The following KCNIP1 variants were observed in gnomAD, a reference collection of about 807,000 sequenced individuals.
KCNIP1 encodes potassium voltage-gated channel interacting protein 1.
KCNIP1 carries 18 observed loss-of-function variants against 33.0 expected under a neutral mutation model. The observed-to-expected ratio is 0.55, with a 90% CI of 0.38 to 0.81. The LOEUF is 0.81. Among genes scored for constraint, KCNIP1 ranks in the 30% least tolerant of loss-of-function variants. The pLI is 0.00. For synonymous variants in KCNIP1, 93 were observed against 98.3 expected, an observed-to-expected ratio of 0.95 and a Z score of 0.32; for missense variants, 238 against 271.6, an observed-to-expected ratio of 0.88 and a Z score of 0.87.
chr5:170,639,754 C>T (rs1264754923), intron 1 of KCNIP1, among the ~76,000 whole-genome samples: 1 of 152,190 alleles, frequency 6.6e-6, no homozygotes, highest in East Asian at 1.9e-4. Flanking sequence ...ATTGCTCTCC[C>T]AGGTGTAGCA....
chr5:170,521,016 G>C (rs545814057), intron 1 of KCNIP1, among the ~76,000 whole-genome samples: 1 of 152,300 alleles, frequency 6.6e-6, no homozygotes, highest in Admixed American at 6.5e-5. Flanking sequence ...TGAAATGCCT[G>C]CTCCATAATA....
chr5:170,636,596 T>C (rs375315141), intron 1 of KCNIP1, among the ~76,000 whole-genome samples: 1 of 152,312 alleles, frequency 6.6e-6, no homozygotes, highest in East Asian at 1.9e-4. Context: ...CCGAGCCCTC[T>C]GAGCAGGTAT....
intron 1 of KCNIP1, among the ~76,000 whole-genome samples, chr5:170,395,769 C>T (rs1754746135): frequency 6.6e-6 from 1 of 152,204 alleles, no homozygotes; most frequent in Non-Finnish European, 1.5e-5. Flanking sequence ...GTTGTTAGGG[C>T]TTGTGGGACT....
chr5:170,438,225 T>C lies in KCNIP1; in HGVS notation c.88+84261T>C, dbSNP rs887013852. Among the ~76,000 whole-genome samples, 5 of 152,300 alleles carry C rather than the reference T, an allele frequency of 3.3e-5. No individual in the cohort carries two copies. In the East Asian group the frequency reaches 9.6e-4, roughly 29 times the overall value. On this transcript the variant is annotated intron_variant, in intron 1 of 7. Transcript: ENST00000377360. The stretch of plus-strand genomic sequence containing the variant: ...CACAGGCTGTGCCACCCCTTCTCCC[T>C]CAGCCTGGACCCCAGACCAGTACTG...
chr5:170,510,764 A>G (rs534088993), intron 1 of KCNIP1, among the ~76,000 whole-genome samples: 17 of 152,108 alleles, frequency 1.1e-4, no homozygotes, highest in Admixed American at 5.9e-4. Context: ...CGGTGGGGGG[A>G]AGTAGGAACC....
At chr5:170,417,432 C>T (rs183796963) in intron 1 of KCNIP1, among the ~76,000 whole-genome samples, 1 of 152,298 alleles carries the variant, frequency 6.6e-6, no homozygotes, top group Non-Finnish European at 1.5e-5. Flanking sequence ...CCTCTTCCTC[C>T]CTGAGAGTAG....
At chr5:170,377,554 A>C (rs983629916) in intron 1 of KCNIP1, 1 of 150,852 alleles carries the variant, frequency 6.6e-6, no homozygotes, top group Non-Finnish European at 1.5e-5. Flanking sequence ...TTTCCTCCAG[A>C]GGGTTGTTTT....
At chr5:170,701,663 A>G in intron 1 of KCNIP1, among the ~76,000 whole-genome samples, 1 of 152,228 alleles carries the variant, frequency 6.6e-6, no homozygotes, top group Admixed American at 6.5e-5. Flanking sequence ...AAAGGCACTC[A>G]TTAAGAAGCT....
intron 1 of KCNIP1, among the ~76,000 whole-genome samples, chr5:170,648,589 C>T (rs532343138): frequency 1.2e-4 from 19 of 152,216 alleles, no homozygotes; most frequent in Admixed American, 6.5e-4. Flanking sequence ...AAAAAGATGG[C>T]TGGTTTCCAG....
rs990871463 is a variant in KCNIP1, at chr5:170,632,227, G to A, written c.62-86531G>A. Among the ~76,000 whole-genome samples, 3 of 152,260 alleles carry A rather than the reference G, an allele frequency of 2.0e-5. No individual in the cohort carries two copies. In the East Asian group the frequency reaches 5.8e-4, roughly 29 times the overall value. On this transcript the variant is annotated intron_variant, in intron 1 of 7. Coordinates refer to ENST00000328939, the MANE Select transcript of KCNIP1 (RefSeq NM_014592.4). ...AGGGAAAATGAATACCCAGGCGAGC[G>A]AGCAAGAGAGACCCTCAGAAAACCC...
At chr5:170,733,596 T>A (rs1204770371) in intron 6 of KCNIP1, among the ~76,000 whole-genome samples, 2 of 152,084 alleles carry the variant, frequency 1.3e-5, no homozygotes, top group Non-Finnish European at 2.9e-5. Context: ...AGGTGATGAG[T>A]GTCCAGAGCA....
At chr5:170,636,310 C>T (rs1760277094) in intron 1 of KCNIP1, among the ~76,000 whole-genome samples, 1 of 152,068 alleles carries the variant, frequency 6.6e-6, no homozygotes, top group South Asian at 2.1e-4. Context: ...CAGAGCAGAG[C>T]TGAGCCCTGA....
chr5:170,673,730 G>A (rs529461040), intron 1 of KCNIP1, among the ~76,000 whole-genome samples: 2 of 152,164 alleles, frequency 1.3e-5, no homozygotes, highest in African/African-American at 4.8e-5. Context: ...CTGTGTCCTC[G>A]CAGGGAGATA....
At chr5:170,698,171 C>T (rs1299809846) in intron 1 of KCNIP1, among the ~76,000 whole-genome samples, 4 of 152,132 alleles carry the variant, frequency 2.6e-5, no homozygotes, top group South Asian at 2.1e-4. Flanking sequence ...GCCGGGTACC[C>T]GGGTATCACA....
At chr5:170,490,390 G>A (rs989893431) in intron 1 of KCNIP1, among the ~76,000 whole-genome samples, 7 of 152,334 alleles carry the variant, frequency 4.6e-5, no homozygotes, top group East Asian at 1.9e-4. Context: ...GGAGCCCCCC[G>A]TGGTGATGAA....
chr5:170,355,268 G>A (rs1002467298), intron 1 of KCNIP1, among the ~76,000 whole-genome samples: 1 of 152,220 alleles, frequency 6.6e-6, no homozygotes, highest in Admixed American at 6.5e-5. Flanking sequence ...CAGAAGTGGG[G>A]TAAACAGGAG....
chr5:170,665,501 A>G (rs1039366360), intron 1 of KCNIP1, among the ~76,000 whole-genome samples: 1 of 152,202 alleles, frequency 6.6e-6, no homozygotes, highest in African/African-American at 2.4e-5. Context: ...GTTTTAAATT[A>G]TAGTTAGAGA....
At chr5:170,579,390 G>A (rs1757714722) in intron 1 of KCNIP1, among the ~76,000 whole-genome samples, 1 of 152,122 alleles carries the variant, frequency 6.6e-6, no homozygotes. Context: ...GGTGATCTAT[G>A]TACGACACTT....
chr5:170,668,817 G>T (rs1761809562), intron 1 of KCNIP1, among the ~76,000 whole-genome samples: 1 of 152,224 alleles, frequency 6.6e-6, no homozygotes, highest in Non-Finnish European at 1.5e-5. Flanking sequence ...CAGGCTACCT[G>T]CAGTCTGGCT....
Sources: gnomAD v4.1 joint callset for allele counts (sites outside exome capture counted in the v4.1 genomes callset) on GRCh38, gnomAD v4.1.1 for gene constraint, MANE v1.5 for transcripts, NCBI Gene and HGNC (gene_info 2026-07-23, HGNC 2026-07-21) for gene names.